ZP2: variants seen among roughly 807,000 people sequenced by gnomAD.
ZP2 encodes the protein zona pellucida glycoprotein 2, also known as zona pellucida sperm-binding protein 2.
A neutral mutation model predicts 84.0 loss-of-function variants in ZP2; 51 were observed. The observed-to-expected ratio is 0.61, with a 90% CI of 0.49 to 0.77. The LOEUF (loss-of-function observed/expected upper bound fraction) is 0.77, where lower values mean the gene tolerates loss of function less well. Among genes scored for constraint, ZP2 ranks in the 30% least tolerant of loss-of-function variants. ZP2 has a pLI of 0.00. For synonymous variants in ZP2, 375 were observed against 330.9 expected (o/e 1.13, Z -1.45); for missense variants, 909 against 911.9 (o/e 1.00, Z 0.04).
chr16:21,205,936 T>A lies in ZP2; in HGVS notation c.484-161A>T. ...CTGTGCCCTTAGATGTCATTATACT[T>A]CTTTGAACTTCTGATCCCAAGAGGC... On this transcript the variant is annotated intron_variant, in intron 5 of 18. Transcript: ENST00000574091. 7.5e-6 allele frequency: 5 copies of A among 669,406 alleles called. No individual in the cohort carries two copies. In the South Asian group the frequency reaches 9.1e-5, roughly 12 times the overall value. 41.5% of individuals were successfully genotyped at this position (669,406 alleles called of 1,614,324 possible).
In ZP2 at chr16:21,198,791, A is replaced by C. The variant is rs754005981; in HGVS notation, c.1999T>G (p.Ser667Ala). 4 of 1,613,940 alleles carry C rather than the reference A, an allele frequency of 2.5e-6. No homozygotes were observed. In the African/African-American group the frequency reaches 5.3e-5, roughly 22 times the overall value. Residue 667 changes from serine to alanine, a missense_variant, in exon 17 of 19, where the codon TCC becomes GCC. By Grantham distance (99) the Ser-to-Ala change is moderately conservative. Transcript: ENST00000574091. ...TTTAGGTCCATACCTCTGAATGAGG[A>C]GTCATCTGACAACAGGAGAATGGGT... ...PGPILLLSDD[S>A]SFRGVGSSDL...
At chr16:21,208,035 C>T (rs1363419631) in intron 4 of ZP2, among the ~76,000 whole-genome samples, 1 of 152,108 alleles carries the variant, frequency 6.6e-6, no homozygotes, top group African/African-American at 2.4e-5. Flanking sequence ...GCCTGGACAA[C>T]ATGGTGAAAT....
At chr16:21,207,848 T>C (rs926383062) in intron 4 of ZP2, among the ~76,000 whole-genome samples, 1 of 151,814 alleles carries the variant, frequency 6.6e-6, no homozygotes, top group Non-Finnish European at 1.5e-5. Flanking sequence ...AGCAAGACCC[T>C]GTCTCAAGAA....
In ZP2 at chr16:21,201,734, T is replaced by G. The variant is rs767227198; in HGVS notation, c.1476A>C (p.Pro492=). The change falls in exon 13 of 19, where the codon CCA becomes CCC. Residue 492 remains proline, a synonymous_variant. Transcript: ENST00000574091. ...TPPVASVKLG[P]FTLILQSYPD... is the part of the protein sequence containing the mutation. ...GGTAGCTTTGCAGGATCAAGGTAAA[T>G]GGACCCAACTTCACTGAGGCCACTG... 2 of 1,613,980 alleles carry G rather than the reference T, an allele frequency of 1.2e-6. No individual in the cohort carries two copies. The highest frequency in any genetic ancestry group is 1.7e-6 in the Non-Finnish European group (2 of 1,180,028).
Position 21,202,230 on chromosome 16 carries a change from T to C in ZP2, c.1161A>G (p.Thr387=). ...GAGTACCCAGGTCAAGAGCTGGTTG[T>C]GTTTGGTAGCTGTAGACCTCGACGT... ...FMDVEVYSYQ[T]QPALDLGTLR... is the part of the protein sequence containing the mutation. Residue 387 remains threonine (T), a synonymous_variant, in exon 11 of 19, where the codon ACA becomes ACG. Coordinates refer to ENST00000574091, the MANE Select transcript of ZP2 (RefSeq NM_001376232.1). The C allele has an allele frequency of 6.4e-7, 1 of 1,574,324 alleles. No homozygotes were observed. The highest frequency in any genetic ancestry group is 1.2e-5 in the South Asian group (1 of 84,138).
At position 21,206,850 on chromosome 16, in the gene ZP2, C is replaced by G. The variant is rs766173938; in HGVS notation, c.471G>C (p.Lys157Asn). Reference protein sequence around the residue: ...QGLSASTICQKDFMSFSLPRV... With the variant: ...QGLSASTICQNDFMSFSLPRV... ...CCGTTTCACTCACAGACATGAAATC[C>G]TTCTGGCAGATTGTAGATGCTGAAA... Residue 157 changes from lysine to asparagine, a missense_variant, in exon 5 of 19, where the codon AAG becomes AAC. Coordinates refer to ENST00000574091, the MANE Select transcript of ZP2 (RefSeq NM_001376232.1). 14 of 1,614,156 alleles carry G rather than the reference C, an allele frequency of 8.7e-6. No homozygotes were observed. Among genetic ancestry groups the G allele is most frequent in the Non-Finnish European group, 1.2e-5 (14 of 1,180,002 alleles).
upstream of ZP2, among the ~76,000 whole-genome samples, chr16:21,213,190 G>A (rs995222637): frequency 5.3e-5 from 8 of 152,010 alleles, no homozygotes; most frequent in Non-Finnish European, 8.8e-5. Flanking sequence ...GATTACAGGC[G>A]CCCACCACCA....
chr16:21,205,752 AGAG>A lies in ZP2; in HGVS notation c.504_506del (p.Ser169del). On this transcript the variant is annotated inframe_deletion, in exon 6 of 19. Coordinates refer to ENST00000574091, the MANE Select transcript of ZP2 (RefSeq NM_001376232.1). Reference sequence around the variant, plus strand: ...ATACCTTACTGTCGTCAGCCAAGCCAGAGAAGACCCGTGGCAAGGAAAACTGGA... The same window carrying A: ...ATACCTTACTGTCGTCAGCCAAGCCAAAGACCCGTGGCAAGGAAAACTGGA... The A allele has an allele frequency of 2.5e-6, 4 of 1,614,112 alleles. No homozygotes were observed. The highest frequency in any genetic ancestry group is 3.4e-6 in the Non-Finnish European group (4 of 1,179,994).
rs1256257670 is a variant in ZP2 at position 21,210,112 on chromosome 16, C to T, written c.232G>A (p.Val78Met). Reference protein sequence around the residue: ...PGTKKWHASVVDPLGLDMPNC... With the variant: ...PGTKKWHASVMDPLGLDMPNC... ...GGAGATAACACACGTTACCTACCCA[C>T]CACAGATGCATGCCATTTCTTGGTG... Residue 78 changes from valine to methionine, a missense_variant, in exon 3 of 19, where the codon GTG (valine) becomes ATG (methionine). Coordinates refer to ENST00000574091, the MANE Select transcript of ZP2 (RefSeq NM_001376232.1). The T allele has an allele frequency of 2.5e-6, 4 of 1,613,884 alleles. No individual in the cohort carries two copies. The highest frequency in any genetic ancestry group is 1.7e-5 in the Admixed American group (1 of 60,002).
In ZP2 at chr16:21,204,548, T is replaced by C. The variant is rs911785231; in HGVS notation, c.694-144A>G. On this transcript the variant is annotated intron_variant, in intron 7 of 18. Transcript: ENST00000574091. ...TTTAAGCATTTGTCTAATGACTAATTTGTCTAATCTGGAGGTATATTAGTT... is the reference window on the plus strand; with the variant it reads ...TTTAAGCATTTGTCTAATGACTAATCTGTCTAATCTGGAGGTATATTAGTT... 1.3e-5 allele frequency: 9 copies of C among 674,382 alleles called. No individual in the cohort carries two copies. The Admixed American group carries it at 1.4e-4, about 10-fold the overall frequency. 41.8% of individuals were successfully genotyped at this position (674,382 alleles called of 1,614,324 possible).
Position 21,197,615 on chromosome 16 carries a change from C to G in ZP2, c.2103G>C (p.Met701Ile). Residue 701 changes from methionine to isoleucine, a missense_variant, in exon 19 of 19, where the codon ATG becomes ATC. Transcript: ENST00000574091. ...TGEEVGSRGA[M>I]DTKGHKTAGD... ...CAGCAGTCTTGTGCCCTTTGGTGTC[C>G]ATAGCACCTACAAAGGAAGCAGACA... 6.2e-7 allele frequency: 1 copy of G among 1,614,178 alleles called. No individual in the cohort carries two copies. The highest frequency in any genetic ancestry group is 8.5e-7 in the Non-Finnish European group (1 of 1,180,024).
In ZP2 at chr16:21,197,579, A is replaced by G; in HGVS notation, c.2139T>C (p.Gly713=). Residue 713 remains glycine, a synonymous_variant, in exon 19 of 19, where the codon GGT becomes GGC. Coordinates refer to ENST00000574091, the MANE Select transcript of ZP2 (RefSeq NM_001376232.1). ...CAGCCACAGCAGCCACAGCTTTGGA[A>G]CCAACATCTCCAGCAGTCTTGTGCC... ...TKGHKTAGDV[G]SKAVAAVAAF... is the part of the protein sequence containing the mutation. 1 of 1,614,214 alleles carries G rather than the reference A, an allele frequency of 6.2e-7. No homozygotes were observed. The highest frequency in any genetic ancestry group is 2.2e-5 in the East Asian group (1 of 44,890).
chr16:21,207,906 A>C lies in ZP2; in HGVS notation c.331-916T>G, dbSNP rs75116396. ...CTTAGTTTGAAAACCAAACCAAAAC[A>C]AAAACAAACAAAAACACAAAAAAAA... On this transcript the variant is annotated intron_variant, in intron 4 of 18. Transcript: ENST00000574091. Among the ~76,000 whole-genome samples, 509 of 152,128 alleles carry C rather than the reference A, an allele frequency of 3.3e-3. 5 individuals are homozygous for C. The East Asian group carries it at 0.036, about 11-fold the overall frequency.
Position 21,209,615 on chromosome 16 carries a change from C to A in ZP2, c.330+16G>T. ...ACTACGTACTTCCCCAAGAACTGCT[C>A]AAAGCAATGACTTACCACTCTCCTG... is the stretch of plus-strand genomic sequence containing the variant. On this transcript the variant is annotated intron_variant, in intron 4 of 18. Coordinates refer to ENST00000574091, the MANE Select transcript of ZP2 (RefSeq NM_001376232.1). The A allele has an allele frequency of 6.2e-7, 1 of 1,612,970 alleles. No individual in the cohort carries two copies. Among genetic ancestry groups the A allele is most frequent in the South Asian group, 1.1e-5 (1 of 91,024 alleles).
At position 21,202,014 on chromosome 16, in the gene ZP2, C is replaced by T. The variant is rs747824135; in HGVS notation, c.1297G>A (p.Asp433Asn). The change falls in exon 12 of 19, where the codon GAT becomes AAT. Residue 433 changes from aspartate to asparagine, a missense_variant. Asp to Asn is a conservative substitution (Grantham distance 23). Coordinates refer to ENST00000574091, the MANE Select transcript of ZP2 (RefSeq NM_001376232.1). ...GCGTRYKFED[D>N]KVVYENEIHA... ...ATTTCGTTTTCATAGACGACTTTATCATCTTCGAACTTAAATGTCAGAGAA... is the reference window on the plus strand; with the variant it reads ...ATTTCGTTTTCATAGACGACTTTATTATCTTCGAACTTAAATGTCAGAGAA... 1.9e-6 allele frequency: 3 copies of T among 1,614,028 alleles called. No individual in the cohort carries two copies. Among genetic ancestry groups the T allele is most frequent in the East Asian group, 2.2e-5 (1 of 44,886 alleles).
In ZP2 at chr16:21,199,680, A is replaced by G. The variant is rs1242805685; in HGVS notation, c.1831-14T>C. On this transcript the variant is annotated splice_polypyrimidine_tract_variant and intron_variant, in intron 15 of 18. Transcript: ENST00000574091. ...GTGGAAGTAGACCTGGAGACAGAAGAGAGTTACATGGAATCGATGCACTAA... is the reference window on the plus strand; with the variant it reads ...GTGGAAGTAGACCTGGAGACAGAAGGGAGTTACATGGAATCGATGCACTAA... The G allele has an allele frequency of 2.5e-6, 4 of 1,613,512 alleles. No homozygotes were observed. Among genetic ancestry groups the G allele is most frequent in the Non-Finnish European group, 3.4e-6 (4 of 1,179,654 alleles).
Position 21,197,708 on chromosome 16 carries a change from G to A in ZP2, c.2095+58C>T, listed in dbSNP as rs1339910324. On this transcript the variant is annotated intron_variant, in intron 18 of 18. Coordinates refer to ENST00000574091, the MANE Select transcript of ZP2 (RefSeq NM_001376232.1). ...TACATAAGGCTCCCCAGAGAAGGGG[G>A]TAAAACTAAGCCTTCAACAGGCTTA... The A allele has an allele frequency of 2.7e-5, 44 of 1,612,440 alleles. No homozygotes were observed. In the East Asian group the frequency reaches 8.0e-4, roughly 29 times the overall value.
rs751590029 is a variant in ZP2, at chr16:21,206,968, A to G, written c.353T>C (p.Ile118Thr). The change falls in exon 5 of 19, where the codon ATC becomes ACC. Residue 118 changes from isoleucine (I) to threonine (T), a missense_variant. Coordinates refer to ENST00000574091, the MANE Select transcript of ZP2 (RefSeq NM_001376232.1). ...GGCAGCACTGTTGTTCATGACTCTG[A>G]TGGTCATCTGGTGTCCACCATGCTG... ...RRVHGGHQMT[I>T]RVMNNSAALR... 15 of 1,614,024 alleles carry G rather than the reference A, an allele frequency of 9.3e-6. No individual in the cohort carries two copies. The highest frequency in any genetic ancestry group is 1.3e-5 in the Non-Finnish European group (15 of 1,180,032).
In ZP2 at chr16:21,203,192, G is replaced by A. The variant is rs771280992; in HGVS notation, c.1032C>T (p.Leu344=). 17 of 1,613,980 alleles carry A rather than the reference G, an allele frequency of 1.1e-5. No individual in the cohort carries two copies. Among genetic ancestry groups the A allele is most frequent in the East Asian group, 2.2e-5 (1 of 44,874 alleles). ...FYLASLKLTF[L]LRPETVSMVI... is the part of the protein sequence containing the mutation. ...CCATGGATACTGTCTCTGGCCGAAG[G>A]AGAAAGGTCAGCTTGAGTGAAGCTA... is the stretch of plus-strand genomic sequence containing the variant. The change falls in exon 10 of 19, where the codon CTC becomes CTT. Residue 344 remains leucine (L), a synonymous_variant. Transcript: ENST00000574091.
Sources: allele counts gnomAD v4.1 joint callset (sites outside exome capture counted in the v4.1 genomes callset), GRCh38; gene constraint gnomAD v4.1.1; transcripts MANE v1.5; gene names NCBI Gene and HGNC (gene_info 2026-07-23, HGNC 2026-07-21).